The following GPM6A variants were observed in gnomAD, a reference collection of about 807,000 sequenced individuals.
GPM6A encodes neuronal membrane glycoprotein M6-a.
GPM6A carries 7 observed loss-of-function variants against 32.1 expected under a neutral mutation model. The ratio of observed to expected loss-of-function variants is 0.22; its 90% CI spans 0.12 to 0.41. The LOEUF (loss-of-function observed/expected upper bound fraction) is 0.41. Among genes scored for constraint, GPM6A ranks in the 10% least tolerant of loss-of-function variants. The pLI is 1.00. For missense variants in GPM6A, 235 were observed against 347.2 expected, an observed-to-expected ratio of 0.68 and a Z score of 2.57; for synonymous variants, 130 against 123.4, an observed-to-expected ratio of 1.05 and a Z score of -0.35.
At chr4:175,850,294 T>C (rs967551606) in intron 1 of GPM6A, among the ~76,000 whole-genome samples, 4 of 151,966 alleles carry the variant, frequency 2.6e-5, no homozygotes, top group African/African-American at 9.7e-5. Context: ...AGAAAAGAAA[T>C]TAGTGTGACA....
In GPM6A at chr4:175,636,955, T is replaced by A. The variant is rs1354798868; in HGVS notation, c.685-1898A>T. 2.2e-5 allele frequency among the ~76,000 whole-genome samples: 3 copies of A among 133,426 alleles called. No homozygotes were observed. In the East Asian group the frequency reaches 6.2e-4, roughly 27 times the overall value. 87.5% of individuals were successfully genotyped at this position (133,426 alleles called of 152,430 possible). A position where few individuals can be genotyped will look rare whatever the true frequency, so the allele number is the denominator to read the frequency against. On this transcript the variant is annotated intron_variant, in intron 6 of 6. Transcript: ENST00000393658. ...ACTCATGCATATATATATATATATA[T>A]GTATTTATATATATTTATATATGTA... is the stretch of plus-strand genomic sequence containing the variant.
chr4:175,950,905 A>G (rs1739785706), intron 1 of GPM6A, among the ~76,000 whole-genome samples: 1 of 152,238 alleles, frequency 6.6e-6, no homozygotes, highest in African/African-American at 2.4e-5. Context: ...GTAAGAAAGT[A>G]GAGCTCTGAA....
At chr4:175,655,596 G>C (rs1402239295) in intron 3 of GPM6A, among the ~76,000 whole-genome samples, 2 of 151,792 alleles carry the variant, frequency 1.3e-5, no homozygotes, top group Non-Finnish European at 2.9e-5. Context: ...AAATTTTTCT[G>C]ATTTTAAAAA....
At position 175,751,595 on chromosome 4, in the gene GPM6A, C is replaced by G. The variant is rs139297511; in HGVS notation, c.38-49828G>C. On this transcript the variant is annotated intron_variant, in intron 1 of 6. Transcript: ENST00000393658. ...TGGGGTTTCTGGAGAGAGAGAGGAG[C>G]TTTTTCCAGCCGACTTGCCAAAAAG... Among the ~76,000 whole-genome samples the G allele has an allele frequency of 9.5e-3, 1,443 of 152,156 alleles. 22 individuals carry two copies. Among genetic ancestry groups the G allele is most frequent in the South Asian group, 0.036 (172 of 4,816 alleles).
chr4:175,648,976 T>G (rs967453569), intron 4 of GPM6A, among the ~76,000 whole-genome samples: 2 of 152,246 alleles, frequency 1.3e-5, no homozygotes, highest in African/African-American at 4.8e-5. Flanking sequence ...TGAGGATCCT[T>G]TATTCTGTCT....
intron 1 of GPM6A, among the ~76,000 whole-genome samples, chr4:175,841,429 A>C (rs973752005): frequency 2.0e-5 from 3 of 152,126 alleles, no homozygotes; most frequent in African/African-American, 7.2e-5. Flanking sequence ...GAGAAATCCT[A>C]TTGGGAAAAA....
At chr4:175,778,318 C>CCAGG (rs1467830922) in intron 1 of GPM6A, among the ~76,000 whole-genome samples, 2 of 151,840 alleles carry the variant, frequency 1.3e-5, no homozygotes, top group Non-Finnish European at 2.9e-5. Flanking sequence ...ATCTAATAGC[C>CCAGG]CAGGTCCATG....
At chr4:175,986,146 C>A (rs991302968) in intron 1 of GPM6A, among the ~76,000 whole-genome samples, 1 of 152,164 alleles carries the variant, frequency 6.6e-6, no homozygotes, top group East Asian at 1.9e-4. Context: ...CTGAGATGAT[C>A]ATATGGTTTT....
At chr4:175,858,561 G>A (rs1270094355) in intron 1 of GPM6A, among the ~76,000 whole-genome samples, 4 of 151,264 alleles carry the variant, frequency 2.6e-5, no homozygotes, top group East Asian at 1.9e-4. Flanking sequence ...GCTAAAGAAA[G>A]GTGAACATAA....
chr4:175,746,218 G>A (rs1220787367), intron 1 of GPM6A, among the ~76,000 whole-genome samples: 2 of 151,922 alleles, frequency 1.3e-5, no homozygotes, highest in African/African-American at 4.8e-5. Context: ...AAAAGGGAGA[G>A]AATTAGTATG....
chr4:175,673,611 T>G (rs557798570), intron 3 of GPM6A, 69 bp downstream of exon 3: 4 of 1,082,352 alleles, frequency 3.7e-6, no homozygotes, highest in Non-Finnish European at 5.2e-6. Flanking sequence ...TCTTGGGAGA[T>G]GAATGCAAAC....
rs188981376 is a variant in GPM6A, at chr4:175,725,985, T to G, written c.38-24218A>C. Among the ~76,000 whole-genome samples, 11 of 122,626 alleles carry G rather than the reference T, an allele frequency of 9.0e-5. No homozygotes were observed. In the East Asian group the frequency reaches 2.5e-3, roughly 28 times the overall value. 80.4% of individuals were successfully genotyped at this position (122,626 alleles called of 152,430 possible). On this transcript the variant is annotated intron_variant, in intron 1 of 6. Transcript: ENST00000393658. ...ATCATACAATGTTTTCCAAATACCCTGTTTCTTCTTTTTTTTTTTTTTTTT... is the reference window on the plus strand; with the variant it reads ...ATCATACAATGTTTTCCAAATACCCGGTTTCTTCTTTTTTTTTTTTTTTTT...
chr4:175,682,464 T>A (rs1258725458), intron 2 of GPM6A, among the ~76,000 whole-genome samples: 1 of 152,044 alleles, frequency 6.6e-6, no homozygotes, highest in Non-Finnish European at 1.5e-5. Flanking sequence ...GAAATATGCA[T>A]AACGGAAAAA....
At chr4:175,750,029 A>T (rs1434947549) in intron 1 of GPM6A, among the ~76,000 whole-genome samples, 1 of 152,108 alleles carries the variant, frequency 6.6e-6, no homozygotes, top group Non-Finnish European at 1.5e-5. Flanking sequence ...ATTCTGTTAA[A>T]AATGTCCTCT....
intron 1 of GPM6A, among the ~76,000 whole-genome samples, chr4:175,865,177 G>C (rs1736693038): frequency 1.3e-5 from 2 of 152,124 alleles, no homozygotes. Context: ...TATCGTTTTA[G>C]CACAATTGTT....
At chr4:175,956,258 C>T (rs1232579780) in intron 1 of GPM6A, among the ~76,000 whole-genome samples, 4 of 152,166 alleles carry the variant, frequency 2.6e-5, no homozygotes, top group Non-Finnish European at 5.9e-5. Flanking sequence ...CTATGGACAA[C>T]AGACTTTCCC....
chr4:175,949,557 T>C (rs1739733104), intron 1 of GPM6A, among the ~76,000 whole-genome samples: 2 of 150,066 alleles, frequency 1.3e-5, no homozygotes, highest in South Asian at 4.1e-4. Context: ...TATGAGTTTG[T>C]TTGATTTTTT....
At chr4:175,921,139 A>G (rs962463793) in intron 1 of GPM6A, among the ~76,000 whole-genome samples, 1 of 152,182 alleles carries the variant, frequency 6.6e-6, no homozygotes, top group African/African-American at 2.4e-5. Context: ...TTATAATGTC[A>G]ACTTAATTTT....
chr4:175,819,096 T>C (rs1475193705), intron 1 of GPM6A, among the ~76,000 whole-genome samples: 2 of 152,192 alleles, frequency 1.3e-5, no homozygotes, highest in African/African-American at 4.8e-5. Flanking sequence ...AATCCAAATC[T>C]CTTTCTGGTA....
Sources: allele counts gnomAD v4.1 joint callset (sites outside exome capture counted in the v4.1 genomes callset), GRCh38; gene constraint gnomAD v4.1.1; transcripts MANE v1.5; gene names NCBI Gene and HGNC (gene_info 2026-07-23, HGNC 2026-07-21).